FBXL19: variants seen among roughly 807,000 people sequenced by gnomAD.
The protein encoded by FBXL19 is F-box and leucine rich repeat protein 19.
In FBXL19, 16 loss-of-function variants were observed where a neutral mutation model predicts 71.2. The ratio of observed to expected loss-of-function variants is 0.22; its 90% CI spans 0.15 to 0.34. The LOEUF is 0.34. FBXL19 is among the 10% of genes least tolerant of loss of function. The pLI, the probability that FBXL19 is intolerant of heterozygous loss-of-function variation, is 1.00. For missense variants in FBXL19, 658 were observed against 968.2 expected (o/e 0.68, Z 4.25); for synonymous variants, 447 against 409.4 (o/e 1.09, Z -1.11).
intron 9 of FBXL19, among the ~76,000 whole-genome samples, chr16:30,944,517 ATCTTGTTCTT>A (rs1038038224): frequency 2.6e-5 from 4 of 151,980 alleles, no homozygotes; most frequent in African/African-American, 9.7e-5. Context: ...AAAGGACATG[ATCTTGTTCTT>A]TTTTATGGCT....
chr16:30,925,594 C>T lies in FBXL19; in HGVS notation c.-24-137C>T, dbSNP rs1484142858. On this transcript the variant is annotated intron_variant, in intron 1 of 10. Coordinates refer to ENST00000338343, the MANE Select transcript of FBXL19 (RefSeq NM_001382779.1). The surrounding 1 kb of genome is among the most constrained non-coding windows in gnomAD (Gnocchi z 5.0). ...TGAGTAGAGGATTGGCCCCCAGATA[C>T]ACAGAAGGGGGTGACCTCCTTGTCC... The T allele has an allele frequency of 4.2e-6, 4 of 952,070 alleles. No homozygotes were observed. In the African/African-American group the frequency reaches 5.3e-5, roughly 13 times the overall value. The allele number at this position is 952,070 out of a possible 1,614,324, so 59.0% of individuals were successfully genotyped here. A position where few individuals can be genotyped will look rare whatever the true frequency, so the allele number is the denominator to read the frequency against.
chr16:30,924,793 T>C, intron 1 of FBXL19: 1 of 1,446,330 alleles, frequency 6.9e-7, no homozygotes, highest in East Asian at 2.7e-5. Context: ...GAAGAGACCC[T>C]CCAGGCTTCT....
upstream of FBXL19, chr16:30,922,963 A>T: frequency 2.3e-6 from 1 of 433,340 alleles, no homozygotes; most frequent in Non-Finnish European, 4.7e-6. Context: ...TGGTTCCGCC[A>T]TTCTTAAGGA....
Position 30,925,595 on chromosome 16 carries a change from A to C in FBXL19, c.-24-136A>C, listed in dbSNP as rs1834462851. On this transcript the variant is annotated intron_variant, in intron 1 of 10. Transcript: ENST00000338343. This position sits in a 1 kb window ranked among gnomAD's most constrained non-coding sequence, Gnocchi z 5.0. Reference sequence around the variant, plus strand: ...GAGTAGAGGATTGGCCCCCAGATACACAGAAGGGGGTGACCTCCTTGTCCC... The same window carrying C: ...GAGTAGAGGATTGGCCCCCAGATACCCAGAAGGGGGTGACCTCCTTGTCCC... 2.5e-5 allele frequency: 24 copies of C among 961,524 alleles called. No homozygotes were observed. Among genetic ancestry groups the C allele is most frequent in the Non-Finnish European group, 3.3e-5 (23 of 707,260 alleles). The allele number at this position is 961,524 out of a possible 1,614,324, so 59.6% of individuals were successfully genotyped here.
Position 30,942,676 on chromosome 16 carries a change from T to C in FBXL19, c.1627+140T>C. 1 of 1,394,344 alleles carries C rather than the reference T, an allele frequency of 7.2e-7. No homozygotes were observed. Among genetic ancestry groups the C allele is most frequent in the Non-Finnish European group, 9.4e-7 (1 of 1,066,998 alleles). 86.4% of individuals were successfully genotyped at this position (1,394,344 alleles called of 1,614,324 possible). A position where few individuals can be genotyped will look rare whatever the true frequency, so the allele number is the denominator to read the frequency against. On this transcript the variant is annotated intron_variant, in intron 9 of 10. Coordinates refer to ENST00000338343, the MANE Select transcript of FBXL19 (RefSeq NM_001382779.1). The surrounding 1 kb of genome is among the most constrained non-coding windows in gnomAD (Gnocchi z 5.7). Reference sequence around the variant, plus strand: ...TACATGAGTTTGAATAGGAAGGCCCTGGTTGGGCATTATTCATTCATTCAC... The same window carrying C: ...TACATGAGTTTGAATAGGAAGGCCCCGGTTGGGCATTATTCATTCATTCAC...
At chr16:30,927,993 G>T (rs760694345) in intron 5 of FBXL19, 30 bp downstream of exon 5, 21 of 1,387,440 alleles carry the variant, frequency 1.5e-5, no homozygotes, top group Non-Finnish European at 2.0e-5. Flanking sequence ...CACTAGGCTT[G>T]TCCTGAGGAA....
In FBXL19 at chr16:30,946,602, A is replaced by G; in HGVS notation, c.1628-128A>G. 1 of 867,426 alleles carries G rather than the reference A, an allele frequency of 1.2e-6. No homozygotes were observed. The highest frequency in any genetic ancestry group is 1.8e-6 in the Non-Finnish European group (1 of 565,162). The allele number at this position is 867,426 out of a possible 1,614,324, so 53.7% of individuals were successfully genotyped here. A position where few individuals can be genotyped will look rare whatever the true frequency, so the allele number is the denominator to read the frequency against. ...GTCAGGCCATGAGGGTGTTTTTGAGAAGAGCAAGCCACAGAGTGCACCAGG... is the reference window on the plus strand; with the variant it reads ...GTCAGGCCATGAGGGTGTTTTTGAGGAGAGCAAGCCACAGAGTGCACCAGG... On this transcript the variant is annotated intron_variant, in intron 9 of 10. Coordinates refer to ENST00000338343, the MANE Select transcript of FBXL19 (RefSeq NM_001382779.1). The surrounding 1 kb of genome is among the most constrained non-coding windows in gnomAD (Gnocchi z 6.7).
upstream of FBXL19, chr16:30,923,260 T>C (rs1266223140): frequency 2.2e-6 from 1 of 449,634 alleles, no homozygotes; most frequent in African/African-American, 2.0e-5. Flanking sequence ...TCCCTCTCCT[T>C]CTCGATGTTC....
At position 30,928,469 on chromosome 16, in the gene FBXL19, G is replaced by C. The variant is rs1415777866; in HGVS notation, c.630G>C (p.Val210=). ...GNEPPTPRKK[V]KGGRERHLKK... ...ATATCTCCCTCTCACCCTGGTAGGT[G>C]AAAGGAGGCCGAGAGAGGCACCTGA... Residue 210 remains valine, a splice_region_variant and synonymous_variant, in exon 6 of 11, where the codon GTG becomes GTC. Coordinates refer to ENST00000338343, the MANE Select transcript of FBXL19 (RefSeq NM_001382779.1). 6 of 1,578,102 alleles carry C rather than the reference G, an allele frequency of 3.8e-6. No homozygotes were observed. Among genetic ancestry groups the C allele is most frequent in the Non-Finnish European group, 5.2e-6 (6 of 1,161,892 alleles).
chr16:30,935,568 C>T (rs888654122), intron 7 of FBXL19, among the ~76,000 whole-genome samples: 7 of 152,052 alleles, frequency 4.6e-5, no homozygotes, highest in African/African-American at 7.2e-5. Context: ...GACTGGAATA[C>T]AAGGTGATCA....
chr16:30,947,327 T>G lies in FBXL19; in HGVS notation c.*97T>G, dbSNP rs1042042600. On this transcript the variant is annotated 3_prime_UTR_variant, in exon 11 of 11. Coordinates refer to ENST00000338343, the MANE Select transcript of FBXL19 (RefSeq NM_001382779.1). Reference sequence around the variant, plus strand: ...AGGCCAGGTTCCCACCTCACCACCCTGGGATTCCTGAGTGTCAGTGACTTG... The same window carrying G: ...AGGCCAGGTTCCCACCTCACCACCCGGGGATTCCTGAGTGTCAGTGACTTG... The G allele has an allele frequency of 5.7e-6, 6 of 1,056,222 alleles. No homozygotes were observed. The highest frequency in any genetic ancestry group is 2.7e-6 in the Non-Finnish European group (2 of 754,114). The allele number at this position is 1,056,222 out of a possible 1,614,324, so 65.4% of individuals were successfully genotyped here.
rs565607849 is a variant in FBXL19, at chr16:30,930,456, C to T, written c.1173C>T (p.Pro391=). 1.0e-4 allele frequency: 156 copies of T among 1,534,958 alleles called. No homozygotes were observed. The highest frequency in any genetic ancestry group is 3.3e-4 in the Middle Eastern group (2 of 6,002). Residue 391 remains proline, a synonymous_variant, in exon 7 of 11, where the codon CCC becomes CCT. Transcript: ENST00000338343. The surrounding 1 kb of genome is among the most constrained non-coding windows in gnomAD (Gnocchi z 8.5). The part of the protein sequence containing the change: ...VVRPPPRSPE[P]DTLPLAAGSD... ...GGCCCCCGCCTCGAAGCCCTGAGCC[C>T]GACACACTCCCCTTGGCTGCTGGAT...
intron 7 of FBXL19, among the ~76,000 whole-genome samples, chr16:30,932,788 C>T (rs1007477413): frequency 2.7e-5 from 4 of 150,356 alleles, no homozygotes; most frequent in South Asian, 2.1e-4. Flanking sequence ...GGAGGCTCTG[C>T]GAGGTCTGGG....
At chr16:30,928,369 C>T (rs926919142) in intron 5 of FBXL19, 98 bp from the exon 6 acceptor site, 12 of 1,288,280 alleles carry the variant, frequency 9.3e-6, no homozygotes, top group Admixed American at 3.2e-5. Context: ...GCTTCTGGGA[C>T]TTGTAGTCTA....
chr16:30,927,616 G>A lies in FBXL19; in HGVS notation c.365G>A (p.Cys122Tyr). 6.4e-7 allele frequency: 1 copy of A among 1,564,446 alleles called. No homozygotes were observed. The highest frequency in any genetic ancestry group is 8.7e-7 in the Non-Finnish European group (1 of 1,154,516). The change falls in exon 4 of 11, where the codon TGC (cysteine) becomes TAC (tyrosine). Residue 122 changes from cysteine (C) to tyrosine (Y), a missense_variant. Around this residue, in one of 8 missense-constraint regions of FBXL19, gnomAD observed 447 missense variants for 515.4 expected, o/e 0.87. Transcript: ENST00000338343. ...GTCATCAATGCAGAGATCCCCAACTGCTGGGAGTGCCCTCGCTGCACCCAG... is the reference window on the plus strand; with the variant it reads ...GTCATCAATGCAGAGATCCCCAACTACTGGGAGTGCCCTCGCTGCACCCAG... Reference protein sequence around the residue: ...EGVINAEIPNCWECPRCTQEG... With the variant: ...EGVINAEIPNYWECPRCTQEG...
chr16:30,929,384 A>G (rs191028378), intron 6 of FBXL19, among the ~76,000 whole-genome samples: 2 of 152,196 alleles, frequency 1.3e-5, no homozygotes, highest in East Asian at 3.9e-4. Context: ...CCCTCAGTTG[A>G]TAGACAGACG....
rs2055855120 is a variant in FBXL19 at position 30,946,016 on chromosome 16, A to G, written c.1628-714A>G. Among the ~76,000 whole-genome samples the G allele has an allele frequency of 6.6e-6, 1 of 152,100 alleles. No homozygotes were observed. ...TATAAAGAAATACCTTCGGCTGGGT[A>G]ATTTATAAAGAAAAGAGGTTGAATT... On this transcript the variant is annotated intron_variant, in intron 9 of 10. Coordinates refer to ENST00000338343, the MANE Select transcript of FBXL19 (RefSeq NM_001382779.1). This position sits in a 1 kb window ranked among gnomAD's most constrained non-coding sequence, Gnocchi z 6.7.
intron 7 of FBXL19, among the ~76,000 whole-genome samples, chr16:30,939,483 G>A (rs1371751384): frequency 2.1e-5 from 3 of 146,290 alleles, no homozygotes; most frequent in Admixed American, 6.9e-5. Context: ...GCACGATCTC[G>A]GCTCACTGCA....
At position 30,923,796 on chromosome 16, in the gene FBXL19, G is replaced by A. The variant is rs2055555003; in HGVS notation, c.-688G>A. ...TATCTCCCGAGGGTCGCGCGCTTGGGGGAGGGGGAGAGGTCGGGGGTGCGC... is the reference window on the plus strand; with the variant it reads ...TATCTCCCGAGGGTCGCGCGCTTGGAGGAGGGGGAGAGGTCGGGGGTGCGC... On this transcript the variant is annotated 5_prime_UTR_variant, in exon 1 of 11. Coordinates refer to ENST00000338343, the MANE Select transcript of FBXL19 (RefSeq NM_001382779.1). Among the ~76,000 whole-genome samples the A allele has an allele frequency of 6.6e-6, 1 of 151,044 alleles. No individual in the cohort carries two copies. Among genetic ancestry groups the A allele is most frequent in the Non-Finnish European group, 1.5e-5 (1 of 67,528 alleles).
Sources: allele counts gnomAD v4.1 joint callset (sites outside exome capture counted in the v4.1 genomes callset), GRCh38; gene constraint gnomAD v4.1.1; regional missense constraint gnomAD v4.1.1; non-coding constraint Gnocchi (gnomAD v3.1); transcripts MANE v1.5; gene names NCBI Gene and HGNC (gene_info 2026-07-23, HGNC 2026-07-21).